The following CSRNP3 variants were observed in gnomAD, a reference collection of about 807,000 sequenced individuals.
CSRNP3 encodes cysteine/serine-rich nuclear protein 3.
CSRNP3 carries 12 observed loss-of-function variants against 48.0 expected under a neutral mutation model. The ratio of observed to expected loss-of-function variants is 0.25; its 90% CI spans 0.16 to 0.41. CSRNP3 has a LOEUF of 0.41. CSRNP3 is among the 10% of genes least tolerant of loss of function. CSRNP3 has a pLI of 1.00. For synonymous variants in CSRNP3, 263 were observed against 269.7 expected, an observed-to-expected ratio of 0.98 and a Z score of 0.24; for missense variants, 580 against 724.4, an observed-to-expected ratio of 0.80 and a Z score of 2.29.
At chr2:165,582,536 C>T (rs944852316) in intron 3 of CSRNP3, among the ~76,000 whole-genome samples, 1 of 152,126 alleles carries the variant, frequency 6.6e-6, no homozygotes, top group East Asian at 1.9e-4. Flanking sequence ...GCACAAATGC[C>T]GGAAGAAACT....
At position 165,615,946 on chromosome 2, in the gene CSRNP3, G is replaced by A. The variant is rs1686234757; in HGVS notation, c.148+20733G>A. 2.1e-5 allele frequency among the ~76,000 whole-genome samples: 3 copies of A among 143,076 alleles called. No homozygotes were observed. The South Asian group carries it at 6.7e-4, about 32-fold the overall frequency. 93.9% of individuals were successfully genotyped at this position (143,076 alleles called of 152,430 possible). A position where few individuals can be genotyped will look rare whatever the true frequency, so the allele number is the denominator to read the frequency against. Reference sequence around the variant, plus strand: ...GGGTCTCACTATGTTGCCCATGCTGGTCTTGAACTCCTGGGCTCAAGTGAT... The same window carrying A: ...GGGTCTCACTATGTTGCCCATGCTGATCTTGAACTCCTGGGCTCAAGTGAT... On this transcript the variant is annotated intron_variant, in intron 4 of 6. Coordinates refer to ENST00000651982, the MANE Select transcript of CSRNP3 (RefSeq NM_001172173.2).
intron 3 of CSRNP3, among the ~76,000 whole-genome samples, chr2:165,587,764 C>CA (rs916920273): frequency 1.9e-4 from 29 of 150,636 alleles, no homozygotes; most frequent in African/African-American, 2.7e-4. Context: ...TGCTTGTGAG[C>CA]AAAAAAAAAT....
At chr2:165,592,955 C>T (rs576204121) in intron 3 of CSRNP3, among the ~76,000 whole-genome samples, 2 of 151,156 alleles carry the variant, frequency 1.3e-5, no homozygotes, top group Non-Finnish European at 3.0e-5. Context: ...GCGCCCGCCA[C>T]TACGCCCGGC....
intron 5 of CSRNP3, among the ~76,000 whole-genome samples, chr2:165,665,975 A>G (rs1478449470): frequency 2.9e-5 from 2 of 68,274 alleles, no homozygotes; most frequent in Non-Finnish European, 6.6e-5. Context: ...AGAGAGGGGA[A>G]GAAAGAAAGA....
intron 3 of CSRNP3, among the ~76,000 whole-genome samples, chr2:165,590,407 T>C (rs527317202): frequency 1.3e-5 from 2 of 152,344 alleles, no homozygotes; most frequent in Middle Eastern, 3.4e-3. Flanking sequence ...TCTAACTTTC[T>C]TTTGTATCCC....
At chr2:165,487,617 C>A (rs1684138998) in intron 1 of CSRNP3, among the ~76,000 whole-genome samples, 1 of 144,150 alleles carries the variant, frequency 6.9e-6, no homozygotes, top group African/African-American at 2.6e-5. Flanking sequence ...CCCTACAAGC[C>A]AGAAGAGAGT....
At chr2:165,600,835 T>C (rs1286211674) in intron 4 of CSRNP3, among the ~76,000 whole-genome samples, 1 of 152,222 alleles carries the variant, frequency 6.6e-6, no homozygotes, top group African/African-American at 2.4e-5. Context: ...ATGTACCCAG[T>C]GTTTTATAAG....
At chr2:165,602,318 G>A (rs571354757) in intron 4 of CSRNP3, among the ~76,000 whole-genome samples, 2 of 152,220 alleles carry the variant, frequency 1.3e-5, no homozygotes, top group South Asian at 4.2e-4. Context: ...ATAGATAAAG[G>A]TGCCTCTGAA....
intron 2 of CSRNP3, among the ~76,000 whole-genome samples, chr2:165,502,793 G>A (rs116420003): frequency 0.016 from 2,431 of 151,410 alleles, 60 homozygotes; most frequent in African/African-American, 0.054. Flanking sequence ...ATATAAATAC[G>A]TTCATATATG....
rs1687591116 is a variant in CSRNP3, at chr2:165,684,150, TA to T, written c.*4402del. ...ACACAATCACTCTTACTTCTATTTA[TA>T]AAAAGCCTATCAAAACAGCAAAATC... On this transcript the variant is annotated 3_prime_UTR_variant, in exon 7 of 7. Coordinates refer to ENST00000651982, the MANE Select transcript of CSRNP3 (RefSeq NM_001172173.2). 1 of 152,102 alleles carries T rather than the reference TA, an allele frequency of 6.6e-6. No individual in the cohort carries two copies. The highest frequency in any genetic ancestry group is 1.5e-5 in the Non-Finnish European group (1 of 67,992). The allele number at this position is 152,102 out of a possible 1,614,324, so 9.4% of individuals were successfully genotyped here.
At chr2:165,516,156 G>C (rs1684580280) in intron 2 of CSRNP3, among the ~76,000 whole-genome samples, 1 of 152,062 alleles carries the variant, frequency 6.6e-6, no homozygotes, top group Non-Finnish European at 1.5e-5. Flanking sequence ...CACAAACAGA[G>C]ATCTGTTTGT....
intron 1 of CSRNP3, among the ~76,000 whole-genome samples, chr2:165,470,467 A>T (rs1380555997): frequency 1.3e-5 from 2 of 152,144 alleles, no homozygotes; most frequent in African/African-American, 2.4e-5. Context: ...GCTGTAAAAA[A>T]TAGCATCTTA....
intron 2 of CSRNP3, among the ~76,000 whole-genome samples, chr2:165,509,412 G>A (rs1001184886): frequency 5.9e-5 from 9 of 152,068 alleles, no homozygotes; most frequent in African/African-American, 9.7e-5. Context: ...GACTGGATTC[G>A]AAGTTATTGT....
intron 5 of CSRNP3, among the ~76,000 whole-genome samples, chr2:165,658,273 G>A (rs1038786387): frequency 3.3e-5 from 5 of 152,026 alleles, no homozygotes; most frequent in Admixed American, 2.0e-4. Context: ...CCCTGTGCTT[G>A]GGCTAGGGCT....
intron 3 of CSRNP3, among the ~76,000 whole-genome samples, chr2:165,527,435 G>C (rs1014588132): frequency 6.6e-5 from 10 of 151,878 alleles, no homozygotes; most frequent in African/African-American, 2.4e-4. Flanking sequence ...TCGATCTCCT[G>C]ACCTCGTGAT....
chr2:165,605,691 A>G (rs1186690622), intron 4 of CSRNP3, among the ~76,000 whole-genome samples: 2 of 152,156 alleles, frequency 1.3e-5, no homozygotes, highest in Non-Finnish European at 2.9e-5. Flanking sequence ...CTAAATAAAT[A>G]AAAATTTAAA....
chr2:165,534,808 C>T (rs1684860884), intron 3 of CSRNP3, among the ~76,000 whole-genome samples: 1 of 151,590 alleles, frequency 6.6e-6, no homozygotes, highest in Non-Finnish European at 1.5e-5. Flanking sequence ...TATCTTAGTA[C>T]ATTAATAATA....
chr2:165,513,110 GA>G (rs921824318), intron 2 of CSRNP3, among the ~76,000 whole-genome samples: 1 of 150,768 alleles, frequency 6.6e-6, no homozygotes, highest in Non-Finnish European at 1.5e-5. Context: ...GTCTCAAAAA[GA>G]AAAAAAAATA....
chr2:165,623,301 C>T (rs538543323), intron 4 of CSRNP3, among the ~76,000 whole-genome samples: 20 of 152,062 alleles, frequency 1.3e-4, no homozygotes, highest in Non-Finnish European at 2.5e-4. Context: ...GCCTGAGCTA[C>T]GCCTCTTGTC....
Sources: gnomAD v4.1 joint callset for allele counts (sites outside exome capture counted in the v4.1 genomes callset) on GRCh38, gnomAD v4.1.1 for gene constraint, MANE v1.5 for transcripts, NCBI Gene and HGNC (gene_info 2026-07-23, HGNC 2026-07-21) for gene names.